GLIS1: variants seen among roughly 807,000 people sequenced by gnomAD.
The protein encoded by GLIS1 is GLIS family zinc finger 1, also known as zinc finger protein GLIS1.
In GLIS1, 24 loss-of-function variants were observed where a neutral mutation model predicts 63.8. The observed-to-expected ratio is 0.38, with a 90% CI of 0.27 to 0.53. GLIS1 has a LOEUF of 0.53. GLIS1 is among the 20% of genes least tolerant of loss of function. The pLI is 0.85. For missense variants in GLIS1, 1,036 were observed against 1,074.1 expected (o/e 0.96, Z 0.50); for synonymous variants, 450 against 482.5 (o/e 0.93, Z 0.88).
intron 2 of GLIS1, among the ~76,000 whole-genome samples, chr1:53,631,504 T>G (rs2100244575): frequency 6.6e-6 from 1 of 152,360 alleles, no homozygotes; most frequent in South Asian, 2.1e-4. Flanking sequence ...TTTTGTTGTG[T>G]ACCTGCTATG....
At chr1:53,578,889 A>C (rs907744913) in intron 4 of GLIS1, among the ~76,000 whole-genome samples, 5 of 152,142 alleles carry the variant, frequency 3.3e-5, no homozygotes, top group Non-Finnish European at 7.4e-5. Flanking sequence ...ACAGAGGATG[A>C]AATTGAAGCC....
intron 2 of GLIS1, among the ~76,000 whole-genome samples, chr1:53,697,109 G>C (rs1268572398): frequency 6.6e-6 from 1 of 152,186 alleles, no homozygotes; most frequent in Admixed American, 6.5e-5. Flanking sequence ...GAGGGAGCTG[G>C]GAGGAGGCAG....
At position 53,607,735 on chromosome 1, in the gene GLIS1, C is replaced by T. The variant is rs1030787154; in HGVS notation, c.260-7457G>A. On this transcript the variant is annotated intron_variant, in intron 2 of 10. Coordinates refer to ENST00000628545, the MANE Select transcript of GLIS1 (RefSeq NM_001367484.1). The stretch of plus-strand genomic sequence containing the variant: ...GCTTCCCCAGTGTACTAGTCAGTTC[C>T]GGCTGCTATAACAAAATACCATAGA... Among the ~76,000 whole-genome samples, 14 of 152,172 alleles carry T rather than the reference C, an allele frequency of 9.2e-5. No homozygotes were observed. In the East Asian group the frequency reaches 1.2e-3, roughly 13 times the overall value.
intron 2 of GLIS1, among the ~76,000 whole-genome samples, chr1:53,683,905 A>G (rs1218473536): frequency 1.3e-5 from 2 of 151,770 alleles, no homozygotes; most frequent in Admixed American, 6.6e-5. Context: ...AGACTCAGGG[A>G]CTCTCCTGAC....
intron 1 of GLIS1, among the ~76,000 whole-genome samples, 115 bp downstream of exon 1, chr1:53,738,990 G>T (rs1260406780): frequency 6.6e-6 from 1 of 152,070 alleles, no homozygotes; most frequent in African/African-American, 2.4e-5. Flanking sequence ...GTTCCCCTCC[G>T]CGCTCCCTGC....
Position 53,603,190 on chromosome 1 carries a change from G to A in GLIS1, c.260-2912C>T, listed in dbSNP as rs374122208. ...TTGGGAGGGAGGGAAGGGGGAAGGC[G>A]CCACTCAAGTCATAGTATGGTGCCA... On this transcript the variant is annotated intron_variant, in intron 2 of 10. Coordinates refer to ENST00000628545, the MANE Select transcript of GLIS1 (RefSeq NM_001367484.1). 5.3e-5 allele frequency among the ~76,000 whole-genome samples: 8 copies of A among 152,232 alleles called. No individual in the cohort carries two copies. In the East Asian group the frequency reaches 5.8e-4, roughly 11 times the overall value.
chr1:53,525,260 C>T (rs915816991), intron 5 of GLIS1, among the ~76,000 whole-genome samples: 1 of 151,476 alleles, frequency 6.6e-6, no homozygotes, highest in African/African-American at 2.4e-5. Flanking sequence ...ACAGGGAGTG[C>T]AGTCAGACAG....
intron 8 of GLIS1, among the ~76,000 whole-genome samples, chr1:53,512,676 G>A (rs1194909136): frequency 6.6e-6 from 1 of 152,160 alleles, no homozygotes; most frequent in Non-Finnish European, 1.5e-5. Flanking sequence ...GCTCCTACCC[G>A]CAGGCAGGGG....
rs527470843 is a variant in GLIS1 at position 53,709,642 on chromosome 1, T to C, written c.259+28164A>G. ...ATATTTACTCTCCGATCTGATTCAT[T>C]TTTAAAGGAAAGTCAGGGTGTTGAT... is the stretch of plus-strand genomic sequence containing the variant. On this transcript the variant is annotated intron_variant, in intron 2 of 10. Coordinates refer to ENST00000628545, the MANE Select transcript of GLIS1 (RefSeq NM_001367484.1). 9.9e-5 allele frequency among the ~76,000 whole-genome samples: 15 copies of C among 152,156 alleles called. No individual in the cohort carries two copies. The South Asian group carries it at 1.9e-3, about 19-fold the overall frequency.
intron 4 of GLIS1, among the ~76,000 whole-genome samples, chr1:53,589,702 A>G (rs1054353462): frequency 1.3e-5 from 2 of 152,168 alleles, no homozygotes; most frequent in African/African-American, 2.4e-5. Flanking sequence ...TGGCCAGAGG[A>G]AGCTGGGCAG....
At chr1:53,719,677 T>C (rs1485717430) in intron 2 of GLIS1, among the ~76,000 whole-genome samples, 1 of 150,424 alleles carries the variant, frequency 6.6e-6, no homozygotes, top group African/African-American at 2.5e-5. Flanking sequence ...TGCAAGTGAG[T>C]AAGATGGGGG....
chr1:53,558,074 C>T (rs996204014), intron 4 of GLIS1, among the ~76,000 whole-genome samples: 1 of 152,222 alleles, frequency 6.6e-6, no homozygotes, highest in Non-Finnish European at 1.5e-5. Context: ...GCTGGCAGTG[C>T]CCAGCCCTGC....
At position 53,556,345 on chromosome 1, in the gene GLIS1, C is replaced by T. The variant is rs553297382; in HGVS notation, c.1321-26393G>A. Among the ~76,000 whole-genome samples the T allele has an allele frequency of 6.2e-5, 6 of 96,664 alleles. No individual in the cohort carries two copies. In the East Asian group the frequency reaches 2.3e-3, roughly 36 times the overall value. The allele number at this position is 96,664 out of a possible 152,430, so 63.4% of individuals were successfully genotyped here. ...CTGCAGGTGTGTGTGTGCAGGCATA[C>T]TGCAGGTGTGTGTATGCAGATGTGT... On this transcript the variant is annotated intron_variant, in intron 4 of 10. Coordinates refer to ENST00000628545, the MANE Select transcript of GLIS1 (RefSeq NM_001367484.1).
chr1:53,692,684 G>A (rs1646419479), intron 2 of GLIS1, among the ~76,000 whole-genome samples: 1 of 152,218 alleles, frequency 6.6e-6, no homozygotes, highest in South Asian at 2.1e-4. Flanking sequence ...GGGGGACCCT[G>A]ACCCAGGTGG....
intron 2 of GLIS1, among the ~76,000 whole-genome samples, chr1:53,735,445 T>C (rs887855728): frequency 3.9e-5 from 6 of 152,198 alleles, no homozygotes; most frequent in African/African-American, 1.4e-4. Context: ...AACCCAGAGG[T>C]TGAGAATGTG....
intron 7 of GLIS1, among the ~76,000 whole-genome samples, chr1:53,517,733 C>A (rs1261222544): frequency 6.6e-6 from 1 of 152,172 alleles, no homozygotes; most frequent in Non-Finnish European, 1.5e-5. Context: ...TCTCCCTCTG[C>A]AGCTCGTCCC....
chr1:53,609,700 T>C (rs1218647085), intron 2 of GLIS1, among the ~76,000 whole-genome samples: 2 of 152,362 alleles, frequency 1.3e-5, no homozygotes, highest in East Asian at 3.9e-4. Context: ...CAGTCTAATA[T>C]AGATCAGTAC....
chr1:53,719,769 C>T (rs1030288735), intron 2 of GLIS1, among the ~76,000 whole-genome samples: 1 of 152,124 alleles, frequency 6.6e-6, no homozygotes, highest in Non-Finnish European at 1.5e-5. Flanking sequence ...GTAGGACAGA[C>T]ATTATGGAAA....
chr1:53,578,706 T>A (rs1372432711), intron 4 of GLIS1, among the ~76,000 whole-genome samples: 1 of 152,238 alleles, frequency 6.6e-6, no homozygotes, highest in African/African-American at 2.4e-5. Context: ...TCCAAGTATT[T>A]ATGTCCTTTT....
Sources: gnomAD v4.1 joint callset for allele counts (sites outside exome capture counted in the v4.1 genomes callset) on GRCh38, gnomAD v4.1.1 for gene constraint, MANE v1.5 for transcripts, NCBI Gene and HGNC (gene_info 2026-07-23, HGNC 2026-07-21) for gene names.